The following CNTN5 variants were observed in gnomAD, a reference collection of about 807,000 sequenced individuals.
CNTN5 encodes contactin 5, also known as contactin-5.
A neutral mutation model predicts 129.1 loss-of-function variants in CNTN5; 77 were observed. The observed-to-expected ratio is 0.60, with a 90% CI of 0.50 to 0.72. CNTN5 has a LOEUF of 0.72. CNTN5 is among the 30% of genes least tolerant of loss of function. The pLI is 0.00. For missense variants in CNTN5, 1,478 were observed against 1,328.8 expected (o/e 1.11, Z -1.75); for synonymous variants, 509 against 465.6 (o/e 1.09, Z -1.20).
intron 3 of CNTN5, among the ~76,000 whole-genome samples, chr11:99,620,005 G>T (rs1298650413): frequency 4.2e-5 from 2 of 47,154 alleles, no homozygotes; most frequent in Admixed American, 3.7e-4. Context: ...CAGCCTGGGC[G>T]ACAGAGCAAG....
chr11:99,577,177 T>C (rs1189443251), intron 3 of CNTN5, among the ~76,000 whole-genome samples: 2 of 152,148 alleles, frequency 1.3e-5, no homozygotes, highest in Non-Finnish European at 2.9e-5. Context: ...GGTATTTGAA[T>C]AGGTAGAGAG....
At chr11:99,463,234 C>T (rs982671940) in intron 2 of CNTN5, among the ~76,000 whole-genome samples, 10 of 150,752 alleles carry the variant, frequency 6.6e-5, no homozygotes, top group Admixed American at 3.3e-4. Flanking sequence ...GTCAGGAGAT[C>T]GAGACCATCC....
chr11:100,301,357 T>G (rs1951216306), intron 20 of CNTN5, among the ~76,000 whole-genome samples: 1 of 151,492 alleles, frequency 6.6e-6, no homozygotes, highest in Non-Finnish European at 1.5e-5. Context: ...CCACCATGGG[T>G]TTTTTTACAT....
intron 9 of CNTN5, among the ~76,000 whole-genome samples, chr11:100,041,870 C>T (rs1054471298): frequency 3.9e-5 from 6 of 152,190 alleles, no homozygotes; most frequent in African/African-American, 1.4e-4. Flanking sequence ...TTCTGAACCA[C>T]ATGAAGTCCT....
intron 2 of CNTN5, among the ~76,000 whole-genome samples, chr11:99,500,223 G>A (rs1244212664): frequency 6.6e-6 from 1 of 152,100 alleles, no homozygotes; most frequent in Non-Finnish European, 1.5e-5. Context: ...TGCTGATCTT[G>A]ATCTTATATC....
intron 2 of CNTN5, among the ~76,000 whole-genome samples, chr11:99,553,590 T>TA (rs547168327): frequency 1.7e-4 from 26 of 152,084 alleles, no homozygotes; most frequent in South Asian, 1.7e-3. Flanking sequence ...TTATGTATTT[T>TA]AAAAAAACCA....
chr11:99,497,543 G>C (rs548293100), intron 2 of CNTN5, among the ~76,000 whole-genome samples: 31 of 152,096 alleles, frequency 2.0e-4, no homozygotes, highest in Non-Finnish European at 4.1e-4. Flanking sequence ...ACATGGGCCA[G>C]GACAACTAAA....
At chr11:99,527,989 A>C (rs1241052107) in intron 2 of CNTN5, among the ~76,000 whole-genome samples, 1 of 152,204 alleles carries the variant, frequency 6.6e-6, no homozygotes, top group Admixed American at 6.5e-5. Flanking sequence ...GGAAATTTTT[A>C]CAAATAACTG....
chr11:99,182,033 T>G (rs1245576358), intron 1 of CNTN5, among the ~76,000 whole-genome samples: 11 of 152,186 alleles, frequency 7.2e-5, no homozygotes, highest in Non-Finnish European at 1.5e-4. Context: ...GACTTAAACT[T>G]ATTGTAATCC....
intron 1 of CNTN5, among the ~76,000 whole-genome samples, chr11:99,268,978 A>G (rs1279425087): frequency 6.6e-6 from 1 of 151,914 alleles, no homozygotes; most frequent in East Asian, 1.9e-4. Flanking sequence ...TAAGCATTTG[A>G]CCTGTTTTAT....
chr11:100,094,156 G>C (rs1944901396), intron 13 of CNTN5, among the ~76,000 whole-genome samples: 1 of 152,126 alleles, frequency 6.6e-6, no homozygotes, highest in African/African-American at 2.4e-5. Flanking sequence ...GTCTTCAGGA[G>C]ACTGAACTGA....
intron 6 of CNTN5, among the ~76,000 whole-genome samples, chr11:99,911,371 C>T (rs1050759567): frequency 2.0e-5 from 3 of 151,874 alleles, no homozygotes; most frequent in Admixed American, 2.0e-4. Context: ...TTTCCAAACA[C>T]ACCTCCTATA....
intron 9 of CNTN5, among the ~76,000 whole-genome samples, chr11:100,017,528 G>T (rs1370401767): frequency 6.6e-6 from 1 of 151,946 alleles, no homozygotes; most frequent in Non-Finnish European, 1.5e-5. Context: ...GAGTAAGATA[G>T]ACTAAAATTG....
Position 99,559,971 on chromosome 11 carries a change from T to C in CNTN5, c.55+3702T>C, listed in dbSNP as rs111255041. On this transcript the variant is annotated intron_variant, in intron 3 of 24. Coordinates refer to ENST00000524871, the MANE Select transcript of CNTN5 (RefSeq NM_014361.4). ...TAGTTTGAACAGACTACATGCTATATGATTTTCTTTATATAACAACTGGAA... is the reference window on the plus strand; with the variant it reads ...TAGTTTGAACAGACTACATGCTATACGATTTTCTTTATATAACAACTGGAA... Among the ~76,000 whole-genome samples the C allele has an allele frequency of 5.1e-3, 778 of 152,280 alleles. 8 individuals are homozygous for C. Among genetic ancestry groups the C allele is most frequent in the African/African-American group, 0.018 (738 of 41,566 alleles).
At chr11:99,914,340 A>G (rs2136004934) in intron 6 of CNTN5, among the ~76,000 whole-genome samples, 1 of 152,186 alleles carries the variant, frequency 6.6e-6, no homozygotes, top group East Asian at 1.9e-4. Flanking sequence ...CCATGCTTTG[A>G]TTTCATATTA....
intron 2 of CNTN5, among the ~76,000 whole-genome samples, chr11:99,329,942 C>T (rs1008157526): frequency 6.6e-6 from 1 of 150,698 alleles, no homozygotes; most frequent in African/African-American, 2.5e-5. Flanking sequence ...CACACACACA[C>T]ACACACACAC....
At chr11:99,824,559 G>A (rs528515047) in intron 4 of CNTN5, among the ~76,000 whole-genome samples, 2 of 151,926 alleles carry the variant, frequency 1.3e-5, no homozygotes, top group South Asian at 2.1e-4. Context: ...TACTTTGTCA[G>A]TAGTACCTTT....
intron 3 of CNTN5, among the ~76,000 whole-genome samples, chr11:99,670,178 G>A (rs1032021354): frequency 1.3e-5 from 2 of 152,060 alleles, no homozygotes; most frequent in Non-Finnish European, 2.9e-5. Flanking sequence ...TAAATTAATA[G>A]GAAGTATTCT....
At chr11:99,858,228 T>A (rs182437083) in intron 6 of CNTN5, among the ~76,000 whole-genome samples, 11,619 of 152,088 alleles carry the variant, frequency 0.076, 594 homozygotes, top group East Asian at 0.16. Context: ...CACAACAGAA[T>A]AACCAAAAAT....
Sources: gnomAD v4.1 joint callset for allele counts (sites outside exome capture counted in the v4.1 genomes callset) on GRCh38, gnomAD v4.1.1 for gene constraint, MANE v1.5 for transcripts, NCBI Gene and HGNC (gene_info 2026-07-23, HGNC 2026-07-21) for gene names.